The following DAAM2 variants were observed in gnomAD, a reference collection of about 807,000 sequenced individuals.
DAAM2 encodes the protein dishevelled associated activator of morphogenesis 2, also known as disheveled-associated activator of morphogenesis 2.
A neutral mutation model predicts 120.7 loss-of-function variants in DAAM2; 39 were observed. The observed-to-expected ratio is 0.32, with a 90% confidence interval of 0.25 to 0.42. The LOEUF (loss-of-function observed/expected upper bound fraction) is 0.42. Among genes scored for constraint, DAAM2 ranks in the 10% least tolerant of loss-of-function variants. DAAM2 has a pLI of 1.00. For synonymous variants in DAAM2, 488 were observed against 524.9 expected, an observed-to-expected ratio of 0.93 and a Z score of 0.96; for missense variants, 1,283 against 1,401.7, an observed-to-expected ratio of 0.92 and a Z score of 1.35.
chr6:39,864,497 C>G lies in DAAM2; in HGVS notation c.323C>G (p.Ser108Cys). Residue 108 changes from serine to cysteine, a missense_variant, in exon 4 of 25, where the codon TCC becomes TGC. Physicochemically the swap from Ser to Cys is moderately radical, Grantham distance 112. Coordinates refer to ENST00000274867, the MANE Select transcript of DAAM2 (RefSeq NM_001201427.2). ...GACTATTACATCGACCGCATCAATTCCATGGCTGCGGTGAGTGGCTGCCCC... is the reference window on the plus strand; with the variant it reads ...GACTATTACATCGACCGCATCAATTGCATGGCTGCGGTGAGTGGCTGCCCC... ...WPDYYIDRIN[S>C]MAAMQSLYAF... 6.2e-7 allele frequency: 1 copy of G among 1,610,724 alleles called. No homozygotes were observed. The highest frequency in any genetic ancestry group is 8.5e-7 in the Non-Finnish European group (1 of 1,179,056).
Position 39,878,647 on chromosome 6 carries a change from G to T in DAAM2, c.1545+59G>T. On this transcript the variant is annotated intron_variant, in intron 13 of 24. Transcript: ENST00000274867. This position sits in a 1 kb window ranked among gnomAD's most constrained non-coding sequence, Gnocchi z 5.0. ...CCAAGACCCTGGGCTTCAGGACTGGGTGGGCAGAGCAGGTGTCGGAGAGGC... is the reference window on the plus strand; with the variant it reads ...CCAAGACCCTGGGCTTCAGGACTGGTTGGGCAGAGCAGGTGTCGGAGAGGC... The T allele has an allele frequency of 6.6e-7, 1 of 1,524,538 alleles. No homozygotes were observed. 94.4% of individuals were successfully genotyped at this position (1,524,538 alleles called of 1,614,324 possible).
At chr6:39,851,798 G>A (rs1763816628) in intron 1 of DAAM2, among the ~76,000 whole-genome samples, 2 of 152,148 alleles carry the variant, frequency 1.3e-5, no homozygotes, top group African/African-American at 4.8e-5. Context: ...GAAAGTCCTT[G>A]GAGGTCTTTA....
rs181773655 is a variant in DAAM2 at position 39,811,955 on chromosome 6, T to A, written c.-57+19490T>A. On this transcript the variant is annotated intron_variant, in intron 1 of 24. Transcript: ENST00000274867. ...GGATGCAGGGCCCCTGTAGACCCTC[T>A]GTGATTTCATTCTGGTGACCTGGAA... Among the ~76,000 whole-genome samples, 930 of 152,298 alleles carry A rather than the reference T, an allele frequency of 6.1e-3. 5 individuals carry two copies. Among genetic ancestry groups the A allele is most frequent in the Admixed American group, 0.015 (235 of 15,304 alleles).
At chr6:39,820,884 A>C (rs915492483) in intron 1 of DAAM2, 3 of 152,250 alleles carry the variant, frequency 2.0e-5, no homozygotes, top group Non-Finnish European at 4.4e-5. Context: ...TGCTGTGTAC[A>C]TAGCAAATAA....
rs2149385686 is a variant in DAAM2 at position 39,902,052 on chromosome 6, C to T, written c.*15C>T. 1.9e-6 allele frequency: 3 copies of T among 1,584,568 alleles called. No homozygotes were observed. Among genetic ancestry groups the T allele is most frequent in the Non-Finnish European group, 2.6e-6 (3 of 1,159,922 alleles). ...TAAATTATTGACCTGGGGAACTAGC[C>T]ACACAGGAGGCCGGGAGACAGGGAC... On this transcript the variant is annotated 3_prime_UTR_variant, in exon 25 of 25. Coordinates refer to ENST00000274867, the MANE Select transcript of DAAM2 (RefSeq NM_001201427.2).
chr6:39,853,604 C>T (rs1763893665), intron 1 of DAAM2, among the ~76,000 whole-genome samples: 5 of 152,202 alleles, frequency 3.3e-5, no homozygotes, highest in Admixed American at 3.3e-4. Context: ...CCAAGGTGCA[C>T]CAGCTATATG....
intron 5 of DAAM2, among the ~76,000 whole-genome samples, chr6:39,865,383 C>A (rs1582697870): frequency 6.6e-6 from 1 of 152,134 alleles, no homozygotes; most frequent in East Asian, 1.9e-4. Context: ...AGGAGCGTGA[C>A]CAAATGGACA....
In DAAM2 at chr6:39,836,255, C is replaced by T. The variant is rs1369104873; in HGVS notation, c.-56-19992C>T. 2.0e-5 allele frequency among the ~76,000 whole-genome samples: 3 copies of T among 152,088 alleles called. No homozygotes were observed. The South Asian group carries it at 6.2e-4, about 31-fold the overall frequency. On this transcript the variant is annotated intron_variant, in intron 1 of 24. Transcript: ENST00000274867. ...TCCTTTAAGACTTAGTTCATTCATA[C>T]TTTGGTGTTCTATCTCTTGGTATGC... is the stretch of plus-strand genomic sequence containing the variant.
chr6:39,890,964 C>T (rs536603116), intron 17 of DAAM2, among the ~76,000 whole-genome samples: 2 of 151,906 alleles, frequency 1.3e-5, no homozygotes, highest in Non-Finnish European at 2.9e-5. Context: ...GTATGTGCTA[C>T]ATGCCTATAT....
chr6:39,863,468 G>C (rs1458231582), intron 3 of DAAM2, among the ~76,000 whole-genome samples: 1 of 152,130 alleles, frequency 6.6e-6, no homozygotes, highest in Non-Finnish European at 1.5e-5. Flanking sequence ...ATGGAGCTGA[G>C]AGCTGCAGGG....
intron 1 of DAAM2, among the ~76,000 whole-genome samples, chr6:39,800,535 A>T (rs774850858): frequency 6.6e-5 from 10 of 152,222 alleles, no homozygotes; most frequent in Non-Finnish European, 1.3e-4. Context: ...CTGGGTCCAC[A>T]TCCCTGTGTA....
intron 5 of DAAM2, 174 bp from the exon 6 acceptor site, chr6:39,867,334 CAA>C (rs768528097): frequency 1.6e-5 from 10 of 614,414 alleles, no homozygotes; most frequent in Non-Finnish European, 2.3e-5. Context: ...AAATAAGACA[CAA>C]GTCTTTTGTG....
At chr6:39,821,121 C>A (rs558779092) in intron 1 of DAAM2, 11 of 152,402 alleles carry the variant, frequency 7.2e-5, no homozygotes, top group African/African-American at 2.6e-4. Flanking sequence ...TCCTTCCTTT[C>A]TAGCATTTCC....
Position 39,878,278 on chromosome 6 carries a change from A to C in DAAM2, c.1360+17A>C. ...TCCGGAAAGGTGAGGGGCTCTGCTT[A>C]AGCCTGCTGTCCACTCCACATGCCC... is the stretch of plus-strand genomic sequence containing the variant. On this transcript the variant is annotated intron_variant, in intron 12 of 24. Coordinates refer to ENST00000274867, the MANE Select transcript of DAAM2 (RefSeq NM_001201427.2). This position sits in a 1 kb window ranked among gnomAD's most constrained non-coding sequence, Gnocchi z 5.0. The C allele has an allele frequency of 6.2e-7, 1 of 1,613,818 alleles. No individual in the cohort carries two copies. The highest frequency in any genetic ancestry group is 1.1e-5 in the South Asian group (1 of 91,056).
chr6:39,876,746 T>C (rs1379030963), intron 11 of DAAM2, among the ~76,000 whole-genome samples: 1 of 151,996 alleles, frequency 6.6e-6, no homozygotes, highest in Non-Finnish European at 1.5e-5. Context: ...TGTATGTGCA[T>C]ATGTGTGCAC....
rs1207427310 is a variant in DAAM2 at position 39,888,718 on chromosome 6, G to C, written c.2100G>C (p.Leu700Phe). Reference sequence around the variant, plus strand: ...ACGAGGAGATCCGGCAGGCCATCTTGAAGATGGATGAGCAGGAGGACCTTG... The same window carrying C: ...ACGAGGAGATCCGGCAGGCCATCTTCAAGATGGATGAGCAGGAGGACCTTG... ...LSNEEIRQAI[L>F]KMDEQEDLAK... Residue 700 changes from leucine (L) to phenylalanine (F), a missense_variant, in exon 17 of 25, where the codon TTG becomes TTC. Physicochemically the swap from Leu to Phe is conservative, Grantham distance 22. Around this residue, in one of 3 missense-constraint regions of DAAM2, gnomAD observed 748 missense variants for 768.6 expected, o/e 0.97. Coordinates refer to ENST00000274867, the MANE Select transcript of DAAM2 (RefSeq NM_001201427.2). 3.1e-6 allele frequency: 5 copies of C among 1,613,414 alleles called. No individual in the cohort carries two copies. In the South Asian group the frequency reaches 5.5e-5, roughly 18 times the overall value.
rs572342549 is a variant in DAAM2 at position 39,842,251 on chromosome 6, T to G, written c.-56-13996T>G. On this transcript the variant is annotated intron_variant, in intron 1 of 24. Transcript: ENST00000274867. ...CCTTTAGGAAGAGCTCACGGAGGACTGAGGACCTGCTGCACACATTCCACT... is the reference window on the plus strand; with the variant it reads ...CCTTTAGGAAGAGCTCACGGAGGACGGAGGACCTGCTGCACACATTCCACT... Among the ~76,000 whole-genome samples the G allele has an allele frequency of 1.7e-3, 261 of 152,324 alleles. No individual in the cohort carries two copies. In the Middle Eastern group the frequency reaches 0.027, roughly 16 times the overall value.
At chr6:39,825,444 T>TCGG (rs1562006551) in intron 1 of DAAM2, among the ~76,000 whole-genome samples, 1 of 33,182 alleles carries the variant, frequency 3.0e-5, no homozygotes, top group African/African-American at 1.1e-4. Context: ...GGTCGGGGGG[T>TCGG]TGGTGGGGGG....
chr6:39,883,654 AAAGTG>A lies in DAAM2; in HGVS notation c.1846-302_1846-298del, dbSNP rs560271831. The A allele has an allele frequency of 1.1e-3, 316 of 299,626 alleles. 1 individual carries two copies. The highest frequency in any genetic ancestry group is 6.0e-3 in the African/African-American group (289 of 47,774). 18.6% of individuals were successfully genotyped at this position (299,626 alleles called of 1,614,324 possible). A position where few individuals can be genotyped will look rare whatever the true frequency, so the allele number is the denominator to read the frequency against. On this transcript the variant is annotated intron_variant, in intron 14 of 24. Coordinates refer to ENST00000274867, the MANE Select transcript of DAAM2 (RefSeq NM_001201427.2). ...GCAGCTTCTGACTTTGCTTTTGGAAAAAGTGAAGTGGACCCCCTTTCCTACTGCCT... is the reference window on the plus strand; with the variant it reads ...GCAGCTTCTGACTTTGCTTTTGGAAAAAGTGGACCCCCTTTCCTACTGCCT...
Sources: allele counts gnomAD v4.1 joint callset (sites outside exome capture counted in the v4.1 genomes callset), GRCh38; gene constraint gnomAD v4.1.1; regional missense constraint gnomAD v4.1.1; non-coding constraint Gnocchi (gnomAD v3.1); transcripts MANE v1.5; gene names NCBI Gene and HGNC (gene_info 2026-07-23, HGNC 2026-07-21).